Variants in RUSC2 observed in about 807,000 individuals in gnomAD.
RUSC2 encodes the protein AP-4 complex accessory subunit RUSC2.
In RUSC2, 34 loss-of-function variants were observed where a neutral mutation model predicts 122.2. The ratio of observed to expected loss-of-function variants is 0.28; its 90% CI spans 0.21 to 0.37. The LOEUF is 0.37. Among genes scored for constraint, RUSC2 ranks in the 10% least tolerant of loss-of-function variants. RUSC2 has a pLI of 1.00. For synonymous variants in RUSC2, 784 were observed against 790.0 expected, an observed-to-expected ratio of 0.99 and a Z score of 0.13; for missense variants, 1,747 against 1,952.4, an observed-to-expected ratio of 0.89 and a Z score of 1.98.
intron 1 of RUSC2, among the ~76,000 whole-genome samples, chr9:35,529,238 C>T (rs533088993): frequency 1.3e-5 from 2 of 152,096 alleles, no homozygotes; most frequent in Non-Finnish European, 2.9e-5. Context: ...ACTCAGATGC[C>T]TTATAGGAGC....
chr9:35,494,367 G>A (rs925500272), intron 1 of RUSC2, among the ~76,000 whole-genome samples: 2 of 152,120 alleles, frequency 1.3e-5, no homozygotes. Flanking sequence ...AGGAGGCTGA[G>A]GCAGGAGAAT....
At chr9:35,505,071 A>G (rs181038022) in intron 1 of RUSC2, among the ~76,000 whole-genome samples, 11 of 152,158 alleles carry the variant, frequency 7.2e-5, no homozygotes, top group Non-Finnish European at 2.9e-5. Context: ...TTTCACCACA[A>G]TTTTTTTTAA....
chr9:35,530,606 G>A (rs557167252), intron 1 of RUSC2, among the ~76,000 whole-genome samples: 2 of 152,138 alleles, frequency 1.3e-5, no homozygotes, highest in African/African-American at 4.8e-5. Context: ...GGTTGGATAG[G>A]TAGAAAGGAA....
chr9:35,542,789 G>A (rs181109350), intron 1 of RUSC2, among the ~76,000 whole-genome samples: 118 of 152,242 alleles, frequency 7.8e-4, no homozygotes, highest in Non-Finnish European at 1.4e-3. Flanking sequence ...CATCTCCCAC[G>A]CTCATGTGTT....
intron 1 of RUSC2, among the ~76,000 whole-genome samples, chr9:35,536,910 TA>T (rs1821541155): frequency 6.6e-6 from 1 of 150,716 alleles, no homozygotes; most frequent in African/African-American, 2.4e-5. Context: ...GAGAAACCAT[TA>T]AAAGGGGCAG....
At chr9:35,510,574 G>A (rs190294808) in intron 1 of RUSC2, among the ~76,000 whole-genome samples, 79 of 152,320 alleles carry the variant, frequency 5.2e-4, no homozygotes, top group African/African-American at 1.9e-3. Flanking sequence ...ACTCCATGAA[G>A]GCAGGCATCA....
Position 35,561,017 on chromosome 9 carries a change from A to G in RUSC2, c.4269A>G (p.Thr1423=), listed in dbSNP as rs758912055. 13 of 1,614,180 alleles carry G rather than the reference A, an allele frequency of 8.1e-6. No homozygotes were observed. Among genetic ancestry groups the G allele is most frequent in the South Asian group, 3.3e-5 (3 of 91,086 alleles). ...CCATGTTCCAACTAGTGGCGCAGAC[A>G]GTGGGTTCCCGCCGGGAGCCAGAGC... ...DKSMFQLVAQ[T]VGSRREPEPK... is the part of the protein sequence containing the mutation. Residue 1423 remains threonine, a synonymous_variant, in exon 11 of 12, where the codon ACA becomes ACG. Transcript: ENST00000361226.
chr9:35,550,899 C>G (rs530199899), intron 2 of RUSC2, among the ~76,000 whole-genome samples: 1 of 151,894 alleles, frequency 6.6e-6, no homozygotes, highest in South Asian at 2.1e-4. Flanking sequence ...ATGGTGAAAC[C>G]CCATCTCTAC....
At chr9:35,495,634 AT>A (rs1360814037) in intron 1 of RUSC2, among the ~76,000 whole-genome samples, 4 of 151,958 alleles carry the variant, frequency 2.6e-5, no homozygotes, top group Admixed American at 6.6e-5. Flanking sequence ...CTTTTTCAAG[AT>A]TGTTTTGGTT....
Position 35,548,191 on chromosome 9 carries a change from C to G in RUSC2, c.1670C>G (p.Ser557Cys). Residue 557 changes from serine (S) to cysteine (C), a missense_variant, in exon 2 of 12, where the codon TCT becomes TGT. Transcript: ENST00000361226. This position sits in a 1 kb window ranked among gnomAD's most constrained non-coding sequence, Gnocchi z 4.5. Reference protein sequence around the residue: ...LAKGRKKTGGSGSPPLRVSVG... With the variant: ...LAKGRKKTGGCGSPPLRVSVG... ...AAGGGCCGGAAGAAAACTGGAGGCTCTGGCTCGCCCCCACTTCGTGTGAGT... is the reference window on the plus strand; with the variant it reads ...AAGGGCCGGAAGAAAACTGGAGGCTGTGGCTCGCCCCCACTTCGTGTGAGT... 1 of 1,613,296 alleles carries G rather than the reference C, an allele frequency of 6.2e-7. No homozygotes were observed. The highest frequency in any genetic ancestry group is 8.5e-7 in the Non-Finnish European group (1 of 1,179,948).
chr9:35,551,565 G>C (rs576618723), intron 2 of RUSC2, among the ~76,000 whole-genome samples: 3 of 152,124 alleles, frequency 2.0e-5, no homozygotes, highest in Non-Finnish European at 2.9e-5. Context: ...GGCATTCTGA[G>C]GGCAAGAAAT....
chr9:35,559,458 G>A (rs1198150999), intron 9 of RUSC2, among the ~76,000 whole-genome samples, 186 bp downstream of exon 9: 1 of 152,222 alleles, frequency 6.6e-6, no homozygotes, highest in Non-Finnish European at 1.5e-5. Context: ...CCTTGGGCCA[G>A]GCATGGTGGC....
chr9:35,490,558 G>C (rs1317516268), intron 1 of RUSC2, among the ~76,000 whole-genome samples: 1 of 152,186 alleles, frequency 6.6e-6, no homozygotes, highest in Admixed American at 6.5e-5. Context: ...CCAAGTCCCT[G>C]TGACGGCTTT....
chr9:35,528,513 T>C (rs1272482593), intron 1 of RUSC2, among the ~76,000 whole-genome samples: 4 of 151,170 alleles, frequency 2.6e-5, no homozygotes, highest in Admixed American at 1.3e-4. Flanking sequence ...TTGATACCTT[T>C]TTTTTTTTTT....
chr9:35,526,862 C>T (rs1026551967), intron 1 of RUSC2, among the ~76,000 whole-genome samples: 5 of 152,204 alleles, frequency 3.3e-5, no homozygotes, highest in African/African-American at 1.2e-4. Context: ...GATAGTTTTA[C>T]TTCCTGAATC....
At chr9:35,527,877 C>T (rs1821351341) in intron 1 of RUSC2, among the ~76,000 whole-genome samples, 1 of 152,194 alleles carries the variant, frequency 6.6e-6, no homozygotes, top group South Asian at 2.1e-4. Context: ...CCTGTTTCTG[C>T]TTAATGCAGA....
At position 35,558,117 on chromosome 9, in the gene RUSC2, G is replaced by A; in HGVS notation, c.3061-80G>A. ...GTACTTAGGAATGGGGACGGCAAGA[G>A]GGGAACCATGAGGGCCTGCTACGAG... On this transcript the variant is annotated intron_variant, in intron 6 of 11. Coordinates refer to ENST00000361226, the MANE Select transcript of RUSC2 (RefSeq NM_014806.5). The surrounding 1 kb of genome is among the most constrained non-coding windows in gnomAD (Gnocchi z 4.3). 2 of 1,590,442 alleles carry A rather than the reference G, an allele frequency of 1.3e-6. No individual in the cohort carries two copies. The highest frequency in any genetic ancestry group is 2.2e-5 in the South Asian group (2 of 89,932).
chr9:35,551,964 T>C (rs1821908275), intron 2 of RUSC2, among the ~76,000 whole-genome samples: 2 of 152,274 alleles, frequency 1.3e-5, no homozygotes, highest in South Asian at 4.1e-4. Context: ...CTCGGGAGGC[T>C]GAGGCAGGAG....
At chr9:35,529,336 A>T (rs1244970754) in intron 1 of RUSC2, among the ~76,000 whole-genome samples, 1 of 151,930 alleles carries the variant, frequency 6.6e-6, no homozygotes, top group East Asian at 1.9e-4. Flanking sequence ...TCACGTGCTC[A>T]TCTAATGAAG....
Sources: allele counts gnomAD v4.1 joint callset (sites outside exome capture counted in the v4.1 genomes callset), GRCh38; gene constraint gnomAD v4.1.1; non-coding constraint Gnocchi (gnomAD v3.1); transcripts MANE v1.5; gene names NCBI Gene and HGNC (gene_info 2026-07-23, HGNC 2026-07-21).